The following GCNT4 variants were observed in gnomAD, a reference collection of about 807,000 sequenced individuals.
GCNT4 encodes glucosaminyl (N-acetyl) transferase 4, also known as beta-1,3-galactosyl-O-glycosyl-glycoprotein beta-1,6-N-acetylglucosaminyltransferase 4.
In GCNT4, 17 loss-of-function variants were observed where a neutral mutation model predicts 31.3. The observed-to-expected ratio is 0.54, with a 90% CI of 0.37 to 0.81. GCNT4 has a LOEUF of 0.81. GCNT4 is among the 40% of genes least tolerant of loss of function. GCNT4 has a pLI of 0.00. For missense variants in GCNT4, 503 were observed against 525.5 expected (o/e 0.96, Z 0.42); for synonymous variants, 158 against 190.6 (o/e 0.83, Z 1.41).
rs1742996208 is a variant in GCNT4, at chr5:75,028,615, AT to A, written c.*60del. The A allele has an allele frequency of 6.8e-7, 1 of 1,465,216 alleles. No homozygotes were observed. Among genetic ancestry groups the A allele is most frequent in the Non-Finnish European group, 9.3e-7 (1 of 1,074,210 alleles). 90.8% of individuals were successfully genotyped at this position (1,465,216 alleles called of 1,614,324 possible). Reference sequence around the variant, plus strand: ...TAAACAGTATTGGGCATAGTATGGTATTCAATTCCACACTGACTCCATTTAT... The same window carrying A: ...TAAACAGTATTGGGCATAGTATGGTATCAATTCCACACTGACTCCATTTAT... On this transcript the variant is annotated 3_prime_UTR_variant, in exon 4 of 4. Transcript: ENST00000652361.
intron 3 of GCNT4, among the ~76,000 whole-genome samples, chr5:75,035,049 A>G (rs1743164767): frequency 4.5e-5 from 4 of 88,094 alleles, no homozygotes; most frequent in Admixed American, 1.0e-4. Context: ...CACCCCAGCT[A>G]AGCGGACACG....
At chr5:75,019,187 T>C in the GCNT4 span, among the ~76,000 whole-genome samples, 4 of 152,174 alleles carry the variant, frequency 2.6e-5, no homozygotes, top group South Asian at 8.3e-4. Flanking sequence ...AGTGCCCTTA[T>C]AAGAAGAGAC....
rs35535831 is a variant in GCNT4 at position 75,028,626 on chromosome 5, C to T, written c.*50G>A. 0.051 allele frequency: 77,922 copies of T among 1,518,460 alleles called. 2,392 individuals are homozygous for T. The highest frequency in any genetic ancestry group is 0.06 in the Non-Finnish European group (66,903 of 1,116,230). The allele number at this position is 1,518,460 out of a possible 1,614,324, so 94.1% of individuals were successfully genotyped here. A position where few individuals can be genotyped will look rare whatever the true frequency, so the allele number is the denominator to read the frequency against. On this transcript the variant is annotated 3_prime_UTR_variant, in exon 4 of 4. Coordinates refer to ENST00000652361, the MANE Select transcript of GCNT4 (RefSeq NM_001366737.1). ...GGGCATAGTATGGTATTCAATTCCACACTGACTCCATTTATCAGGCACCCT... is the reference window on the plus strand; with the variant it reads ...GGGCATAGTATGGTATTCAATTCCATACTGACTCCATTTATCAGGCACCCT...
At chr5:75,051,031 G>T (rs1743558384) in intron 2 of GCNT4, among the ~76,000 whole-genome samples, 1 of 152,208 alleles carries the variant, frequency 6.6e-6, no homozygotes, top group Non-Finnish European at 1.5e-5. Flanking sequence ...GTATCTGCTG[G>T]CCTCCCCGGT....
chr5:75,021,935 A>T (rs1742885009), downstream of GCNT4, among the ~76,000 whole-genome samples: 1 of 152,160 alleles, frequency 6.6e-6, no homozygotes, highest in Non-Finnish European at 1.5e-5. Context: ...TTATATCAGT[A>T]GCATTGATTA....
chr5:75,032,472 T>A (rs1398663127), intron 3 of GCNT4, among the ~76,000 whole-genome samples: 1 of 152,198 alleles, frequency 6.6e-6, no homozygotes, highest in East Asian at 1.9e-4. Context: ...TGGCCCATGT[T>A]TGAAACTAGA....
downstream of GCNT4, among the ~76,000 whole-genome samples, chr5:75,022,316 C>G (rs1309252882): frequency 6.6e-6 from 1 of 152,174 alleles, no homozygotes; most frequent in African/African-American, 2.4e-5. Flanking sequence ...ATAGCTACCT[C>G]TTCAACAATG....
chr5:75,040,338 GA>G (rs1309382902), intron 3 of GCNT4, among the ~76,000 whole-genome samples: 2 of 152,084 alleles, frequency 1.3e-5, no homozygotes, highest in Admixed American at 1.3e-4. Flanking sequence ...TTGCTACAAG[GA>G]GTAGTTACTT....
chr5:75,019,148 A>T, the GCNT4 span, among the ~76,000 whole-genome samples: 1 of 152,228 alleles, frequency 6.6e-6, no homozygotes, highest in South Asian at 2.1e-4. Context: ...CAATTAGGTC[A>T]TAAGGGTAGA....
downstream of GCNT4, among the ~76,000 whole-genome samples, chr5:75,024,176 T>C (rs547451569): frequency 6.6e-6 from 1 of 150,612 alleles, no homozygotes; most frequent in Non-Finnish European, 1.5e-5. Flanking sequence ...TAGGTGCCAA[T>C]GGGAACAAAA....
At position 75,029,030 on chromosome 5, in the gene GCNT4, C is replaced by A; in HGVS notation, c.1008G>T (p.Glu336Asp). Residue 336 changes from glutamate (E) to aspartate (D), a missense_variant, in exon 4 of 4, where the codon GAG becomes GAT. Physicochemically the swap from Glu to Asp is conservative, Grantham distance 45. Coordinates refer to ENST00000652361, the MANE Select transcript of GCNT4 (RefSeq NM_001366737.1). ...CCCGAATCAAGGTAGCCCAAAAGTG[C>A]TCATCAGGAGAGTATGTGTCTTTAG... Reference protein sequence around the residue: ...AWSKDTYSPDEHFWATLIRVP... With the variant: ...AWSKDTYSPDDHFWATLIRVP... 6.2e-7 allele frequency: 1 copy of A among 1,614,118 alleles called. No homozygotes were observed. Among genetic ancestry groups the A allele is most frequent in the South Asian group, 1.1e-5 (1 of 91,076 alleles).
intron 3 of GCNT4, among the ~76,000 whole-genome samples, chr5:75,044,630 T>A (rs956807203): frequency 6.6e-6 from 1 of 152,002 alleles, no homozygotes. Context: ...CATTGACCAG[T>A]GGCCATTCTG....
At chr5:75,030,068 G>A (rs1383205598) in intron 3 of GCNT4, 30 bp from the exon 4 acceptor site, 3 of 1,549,692 alleles carry the variant, frequency 1.9e-6, no homozygotes, top group African/African-American at 1.4e-5. Flanking sequence ...TAATCCAGTT[G>A]GAATATTAAC....
intron 3 of GCNT4, among the ~76,000 whole-genome samples, chr5:75,031,704 A>G (rs1743067023): frequency 6.6e-6 from 1 of 152,156 alleles, no homozygotes; most frequent in Admixed American, 6.5e-5. Context: ...TTTTAGTATC[A>G]TTTGCATTTA....
In GCNT4 at chr5:75,026,987, G is replaced by A. The variant is rs370629707; in HGVS notation, c.*1689C>T. The A allele has an allele frequency of 6.6e-6, 1 of 151,804 alleles. No homozygotes were observed. The highest frequency in any genetic ancestry group is 1.5e-5 in the Non-Finnish European group (1 of 67,960). 9.4% of individuals were successfully genotyped at this position (151,804 alleles called of 1,614,324 possible). A position where few individuals can be genotyped will look rare whatever the true frequency, so the allele number is the denominator to read the frequency against. On this transcript the variant is annotated 3_prime_UTR_variant, in exon 4 of 4. Transcript: ENST00000652361. ...TTATGAACTTTAAAATGAGCAAAGT[G>A]CATTTCACATTTAGAACACAGACAT...
rs1361779599 is a variant in GCNT4, at chr5:75,049,436, C to T, written c.-142-1399G>A. 2.6e-5 allele frequency among the ~76,000 whole-genome samples: 4 copies of T among 152,244 alleles called. No individual in the cohort carries two copies. The East Asian group carries it at 7.7e-4, about 29-fold the overall frequency. ...CTGATCCAATCCTGTCTCCAAATGC[C>T]CACACTGAGCCCACCATCCCCAGAG... On this transcript the variant is annotated intron_variant, in intron 2 of 3. Coordinates refer to ENST00000652361, the MANE Select transcript of GCNT4 (RefSeq NM_001366737.1).
At chr5:75,036,738 T>TG (rs1387418669) in intron 3 of GCNT4, among the ~76,000 whole-genome samples, 1 of 152,250 alleles carries the variant, frequency 6.6e-6, no homozygotes, top group East Asian at 1.9e-4. Context: ...AATGAGCTAA[T>TG]GAAGAGGTTA....
chr5:75,020,325 G>A, the GCNT4 span, among the ~76,000 whole-genome samples: 1 of 152,190 alleles, frequency 6.6e-6, no homozygotes. Flanking sequence ...CAGAGAGAGA[G>A]TAATGCTGGG....
At chr5:75,043,302 C>T (rs1392327424) in intron 3 of GCNT4, among the ~76,000 whole-genome samples, 1 of 152,102 alleles carries the variant, frequency 6.6e-6, no homozygotes, top group Non-Finnish European at 1.5e-5. Context: ...GGGATAAAAT[C>T]CAGAAACAGA....
Sources: allele counts gnomAD v4.1 joint callset (sites outside exome capture counted in the v4.1 genomes callset), GRCh38; gene constraint gnomAD v4.1.1; transcripts MANE v1.5; gene names NCBI Gene and HGNC (gene_info 2026-07-23, HGNC 2026-07-21).